Variants in SRGAP1 observed in about 807,000 individuals in gnomAD.
SRGAP1 encodes SLIT-ROBO Rho GTPase activating protein 1.
In SRGAP1, 43 loss-of-function variants were observed where a neutral mutation model predicts 121.9. The observed-to-expected ratio is 0.35, with a 90% CI of 0.28 to 0.46. The LOEUF (loss-of-function observed/expected upper bound fraction) is 0.46. SRGAP1 is among the 20% of genes least tolerant of loss of function. SRGAP1 has a pLI of 1.00. For missense variants in SRGAP1, 1,102 were observed against 1,350.9 expected (o/e 0.82, Z 2.89); for synonymous variants, 447 against 485.4 (o/e 0.92, Z 1.04).
At chr12:64,070,348 T>C (rs1335879821) in intron 8 of SRGAP1, among the ~76,000 whole-genome samples, 1 of 152,230 alleles carries the variant, frequency 6.6e-6, no homozygotes, top group Non-Finnish European at 1.5e-5. Flanking sequence ...GGAGAGCAAC[T>C]ACGCCTTTTG....
At chr12:64,062,775 C>T in intron 6 of SRGAP1, 142 bp from the exon 7 acceptor site, 4 of 599,542 alleles carry the variant, frequency 6.7e-6, no homozygotes, top group South Asian at 2.3e-5. Flanking sequence ...ATGTCATATC[C>T]AAGAAACCAG....
chr12:63,933,898 A>G (rs1231442150), intron 1 of SRGAP1, among the ~76,000 whole-genome samples: 2 of 152,194 alleles, frequency 1.3e-5, no homozygotes, highest in African/African-American at 4.8e-5. Context: ...TAAAATTGAA[A>G]TCAGCGATGT....
intron 11 of SRGAP1, among the ~76,000 whole-genome samples, chr12:64,089,547 G>A (rs1428657518): frequency 6.6e-6 from 1 of 152,184 alleles, no homozygotes; most frequent in African/African-American, 2.4e-5. Context: ...GAAAGGAGTG[G>A]ATGAAATCAA....
At chr12:63,884,707 G>A (rs1900313711) in intron 1 of SRGAP1, among the ~76,000 whole-genome samples, 2 of 149,656 alleles carry the variant, frequency 1.3e-5, no homozygotes, top group Admixed American at 1.3e-4. Context: ...CCAGTCTCTG[G>A]TCACCACCAT....
At chr12:63,916,481 A>G (rs1362662232) in intron 1 of SRGAP1, among the ~76,000 whole-genome samples, 2 of 152,222 alleles carry the variant, frequency 1.3e-5, no homozygotes, top group Non-Finnish European at 2.9e-5. Context: ...TGTCTGCAGC[A>G]GCTCAGCCAG....
chr12:64,098,061 C>G (rs935324241), intron 15 of SRGAP1, among the ~76,000 whole-genome samples: 1 of 152,048 alleles, frequency 6.6e-6, no homozygotes, highest in South Asian at 2.1e-4. Flanking sequence ...CTTTTAAGTC[C>G]GAGTTCCCAG....
intron 21 of SRGAP1, among the ~76,000 whole-genome samples, chr12:64,139,655 G>C (rs1333831059): frequency 6.6e-6 from 1 of 151,906 alleles, no homozygotes; most frequent in Non-Finnish European, 1.5e-5. Context: ...TTTGTCCGAT[G>C]AGTAGGTTGC....
At chr12:63,969,799 G>GA (rs899811117) in intron 1 of SRGAP1, among the ~76,000 whole-genome samples, 1,588 of 126,918 alleles carry the variant, frequency 0.013, 39 homozygotes, top group East Asian at 0.061. Flanking sequence ...GTCTCAAAAA[G>GA]AAAAAAAAAA....
At chr12:63,880,450 C>G (rs1900158724) in intron 1 of SRGAP1, among the ~76,000 whole-genome samples, 1 of 152,126 alleles carries the variant, frequency 6.6e-6, no homozygotes, top group Admixed American at 6.5e-5. Context: ...AGGCTGCTCT[C>G]AAACTCCTGA....
Position 64,074,459 on chromosome 12 carries a change from A to G in SRGAP1, c.1126-4460A>G, listed in dbSNP as rs150704228. Among the ~76,000 whole-genome samples the G allele has an allele frequency of 1.5e-3, 230 of 152,270 alleles. 5 individuals are homozygous for G. In the East Asian group the frequency reaches 0.033, roughly 22 times the overall value. The stretch of plus-strand genomic sequence containing the variant: ...TGGAAAGGTCCTTTATTAGCAAGTC[A>G]TCTTCTCTAGATGCTATGCACTCCT... On this transcript the variant is annotated intron_variant, in intron 8 of 21. Transcript: ENST00000355086.
chr12:64,075,703 C>A (rs1200315368), intron 8 of SRGAP1, among the ~76,000 whole-genome samples: 2 of 152,084 alleles, frequency 1.3e-5, no homozygotes, highest in Non-Finnish European at 2.9e-5. Context: ...TTGATTATGA[C>A]CTCCTTAAAG....
rs1420885086 is a variant in SRGAP1 at position 64,160,542 on chromosome 12, T to C, written c.*17870T>C. The C allele has an allele frequency of 1.3e-5, 2 of 152,212 alleles. No homozygotes were observed. Among genetic ancestry groups the C allele is most frequent in the African/African-American group, 4.8e-5 (2 of 41,454 alleles). 9.4% of individuals were successfully genotyped at this position (152,212 alleles called of 1,614,324 possible). On this transcript the variant is annotated 3_prime_UTR_variant, in exon 22 of 22. Transcript: ENST00000355086. The stretch of plus-strand genomic sequence containing the variant: ...AGATTTCTCAATCAAAAGGCAAATA[T>C]ATCTCATATGTCGGAAGATTAATGT...
chr12:64,085,872 A>T (rs1198795576), intron 10 of SRGAP1, among the ~76,000 whole-genome samples: 3 of 152,128 alleles, frequency 2.0e-5, no homozygotes, highest in Admixed American at 2.0e-4. Flanking sequence ...TTCTGCCAAC[A>T]TTTTTACTGT....
At chr12:63,975,209 G>A (rs574682648) in intron 1 of SRGAP1, among the ~76,000 whole-genome samples, 5 of 152,236 alleles carry the variant, frequency 3.3e-5, no homozygotes, top group South Asian at 2.1e-4. Flanking sequence ...CAAAGAAATC[G>A]TCCCTTCTCC....
intron 1 of SRGAP1, among the ~76,000 whole-genome samples, chr12:63,981,862 C>T (rs1227957488): frequency 3.3e-5 from 5 of 152,086 alleles, no homozygotes; most frequent in African/African-American, 4.8e-5. Context: ...TCTTCTTTGC[C>T]GGTATGCAAG....
intron 6 of SRGAP1, among the ~76,000 whole-genome samples, chr12:64,050,446 C>T (rs1313177259): frequency 4.7e-5 from 1 of 21,416 alleles, no homozygotes; most frequent in Non-Finnish European, 8.5e-5. Context: ...GCTAGACTTT[C>T]TCTATGTCCC....
At chr12:64,054,903 A>G (rs1452960247) in intron 6 of SRGAP1, among the ~76,000 whole-genome samples, 1 of 80,688 alleles carries the variant, frequency 1.2e-5, no homozygotes, top group East Asian at 4.0e-4. Context: ...CCACCCCACC[A>G]CAGTCCCCAG....
chr12:64,090,860 C>A lies in SRGAP1; in HGVS notation c.1437-416C>A, dbSNP rs144611836. 1.5e-4 allele frequency among the ~76,000 whole-genome samples: 23 copies of A among 152,126 alleles called. No individual in the cohort carries two copies. The East Asian group carries it at 4.1e-3, about 27-fold the overall frequency. On this transcript the variant is annotated intron_variant, in intron 11 of 21. Coordinates refer to ENST00000355086, the MANE Select transcript of SRGAP1 (RefSeq NM_020762.4). ...GACTTAAAAAAAAAAATTATGTGTA[C>A]CTAAAAATGTTATATTTAATTCCTC... is the stretch of plus-strand genomic sequence containing the variant.
intron 3 of SRGAP1, among the ~76,000 whole-genome samples, chr12:63,999,974 G>A (rs755655878): frequency 2.0e-5 from 3 of 152,100 alleles, no homozygotes; most frequent in Admixed American, 6.6e-5. Flanking sequence ...GAGAAGAAAC[G>A]CAGGTCAGTG....
Sources: allele counts gnomAD v4.1 joint callset (sites outside exome capture counted in the v4.1 genomes callset), GRCh38; gene constraint gnomAD v4.1.1; transcripts MANE v1.5; gene names NCBI Gene and HGNC (gene_info 2026-07-23, HGNC 2026-07-21).